PPP3CA: variants seen among roughly 807,000 people sequenced by gnomAD.
PPP3CA encodes CAM-PRP catalytic subunit.
Under a neutral mutation model 66.5 loss-of-function variants are expected in PPP3CA, and 14 were observed. The ratio of observed to expected loss-of-function variants is 0.21; its 90% CI spans 0.14 to 0.33. The LOEUF is 0.33. PPP3CA is among the 10% of genes least tolerant of loss of function. The pLI is 1.00. For synonymous variants in PPP3CA, 232 were observed against 226.2 expected, an observed-to-expected ratio of 1.03 and a Z score of -0.23; for missense variants, 317 against 639.5, an observed-to-expected ratio of 0.50 and a Z score of 5.44.
intron 2 of PPP3CA, among the ~76,000 whole-genome samples, chr4:101,141,983 T>C (rs1010972860): frequency 6.7e-6 from 1 of 150,342 alleles, no homozygotes; most frequent in Admixed American, 6.7e-5. Flanking sequence ...AGCATGTCAA[T>C]GGAGGATGAT....
intron 1 of PPP3CA, among the ~76,000 whole-genome samples, chr4:101,218,595 T>C (rs768381159): frequency 1.6e-4 from 24 of 152,124 alleles, no homozygotes; most frequent in Admixed American, 3.3e-4. Context: ...TTACTCACAG[T>C]TTAAATTCCT....
At chr4:101,078,751 T>C (rs984649284) in intron 8 of PPP3CA, among the ~76,000 whole-genome samples, 2 of 152,186 alleles carry the variant, frequency 1.3e-5, no homozygotes, top group Non-Finnish European at 2.9e-5. Flanking sequence ...TGTGACCCAA[T>C]TTTATTGCAG....
At chr4:101,073,068 C>T (rs1254069401) in intron 8 of PPP3CA, among the ~76,000 whole-genome samples, 1 of 151,446 alleles carries the variant, frequency 6.6e-6, no homozygotes, top group Non-Finnish European at 1.5e-5. Context: ...ATATAAAATG[C>T]AATGAGAGGA....
chr4:101,305,177 T>C (rs1348786422), intron 1 of PPP3CA, among the ~76,000 whole-genome samples: 1 of 152,188 alleles, frequency 6.6e-6, no homozygotes, highest in East Asian at 1.9e-4. Flanking sequence ...ATGATCCCAG[T>C]GGTTTGGAAT....
At chr4:101,292,380 T>C (rs1037794878) in intron 1 of PPP3CA, among the ~76,000 whole-genome samples, 2 of 152,184 alleles carry the variant, frequency 1.3e-5, no homozygotes, top group African/African-American at 4.8e-5. Flanking sequence ...TTTTCTCTTA[T>C]CTGTTGTAAC....
At chr4:101,257,722 A>C (rs766543844) in intron 1 of PPP3CA, among the ~76,000 whole-genome samples, 22 of 152,110 alleles carry the variant, frequency 1.4e-4, no homozygotes, top group African/African-American at 2.2e-4. Flanking sequence ...AAAGGTGTCA[A>C]GCTTACCATA....
intron 1 of PPP3CA, among the ~76,000 whole-genome samples, chr4:101,253,525 G>A (rs1458470481): frequency 1.3e-5 from 2 of 151,886 alleles, no homozygotes; most frequent in African/African-American, 4.8e-5. Context: ...TAATTTCATC[G>A]TATTAAATAA....
chr4:101,101,957 C>G (rs943882094), intron 3 of PPP3CA, among the ~76,000 whole-genome samples: 2 of 152,092 alleles, frequency 1.3e-5, no homozygotes, highest in Admixed American at 1.3e-4. Flanking sequence ...CCCACATTTT[C>G]TTTTTTTGCT....
At chr4:101,319,755 T>C (rs1048881163) in intron 1 of PPP3CA, among the ~76,000 whole-genome samples, 1 of 152,140 alleles carries the variant, frequency 6.6e-6, no homozygotes, top group East Asian at 1.9e-4. Flanking sequence ...GAAAACTGTT[T>C]AAATATCCAA....
rs185138090 is a variant in PPP3CA, at chr4:101,062,529, G to A, written c.1081+703C>T. On this transcript the variant is annotated intron_variant, in intron 9 of 13. Transcript: ENST00000394854. ...TGAGAAGATACATGAGAATCAATCC[G>A]TGTATCACTGTTAGGCCTCCTGAAT... 1.7e-4 allele frequency among the ~76,000 whole-genome samples: 26 copies of A among 152,044 alleles called. 1 individual carries two copies. The highest frequency in any genetic ancestry group is 6.8e-3 in the Middle Eastern group (2 of 294).
At chr4:101,213,816 A>G (rs1725378584) in intron 1 of PPP3CA, among the ~76,000 whole-genome samples, 1 of 152,088 alleles carries the variant, frequency 6.6e-6, no homozygotes, top group African/African-American at 2.4e-5. Flanking sequence ...CTCTCCACTA[A>G]AGCTCGCTAT....
chr4:101,180,181 G>A (rs1395400935), intron 2 of PPP3CA, among the ~76,000 whole-genome samples: 1 of 152,108 alleles, frequency 6.6e-6, no homozygotes, highest in Non-Finnish European at 1.5e-5. Flanking sequence ...CTGTTTATCT[G>A]GAACAGTCCT....
intron 3 of PPP3CA, among the ~76,000 whole-genome samples, chr4:101,106,532 T>C (rs1242090812): frequency 6.6e-6 from 1 of 150,926 alleles, no homozygotes; most frequent in Non-Finnish European, 1.5e-5. Flanking sequence ...GAAAACATTC[T>C]ATATAACCCT....
intron 8 of PPP3CA, among the ~76,000 whole-genome samples, chr4:101,076,539 T>C (rs1042135606): frequency 1.3e-5 from 2 of 151,944 alleles, no homozygotes; most frequent in South Asian, 4.1e-4. Flanking sequence ...CCAACAGAAG[T>C]CTTTATGGAA....
chr4:101,282,352 T>G (rs1200021008), intron 1 of PPP3CA, among the ~76,000 whole-genome samples: 3 of 152,236 alleles, frequency 2.0e-5, no homozygotes, highest in African/African-American at 7.2e-5. Context: ...TGAAATGTGA[T>G]GGACAGACCT....
chr4:101,236,988 T>C (rs1167398321), intron 1 of PPP3CA, among the ~76,000 whole-genome samples: 1 of 150,888 alleles, frequency 6.6e-6, no homozygotes, highest in Non-Finnish European at 1.5e-5. Flanking sequence ...TTAAATTACA[T>C]AATCTGTGTA....
In PPP3CA at chr4:101,347,492, G is replaced by A. The variant is rs1730059227; in HGVS notation, c.-696C>T. ...CTCCTCCACTCACCAAGGCACAGCC[G>A]CCGAGCTCGGCAGACACAGTCCCGG... is the stretch of plus-strand genomic sequence containing the variant. On this transcript the variant is annotated 5_prime_UTR_variant, in exon 1 of 14. Transcript: ENST00000394854. 1 of 159,834 alleles carries A rather than the reference G, an allele frequency of 6.3e-6. No homozygotes were observed. Among genetic ancestry groups the A allele is most frequent in the Non-Finnish European group, 1.4e-5 (1 of 73,776 alleles). The allele number at this position is 159,834 out of a possible 1,614,324, so 9.9% of individuals were successfully genotyped here.
chr4:101,293,296 C>T (rs1314604594), intron 1 of PPP3CA, among the ~76,000 whole-genome samples: 4 of 152,152 alleles, frequency 2.6e-5, no homozygotes, highest in Non-Finnish European at 5.9e-5. Flanking sequence ...TTCTGTCTTC[C>T]CATGCTTCAC....
intron 2 of PPP3CA, among the ~76,000 whole-genome samples, chr4:101,126,486 A>G (rs1305621457): frequency 6.6e-6 from 1 of 152,170 alleles, no homozygotes; most frequent in African/African-American, 2.4e-5. Context: ...CAAAAGATGA[A>G]TTTCCTTAAT....
Sources: allele counts gnomAD v4.1 joint callset (sites outside exome capture counted in the v4.1 genomes callset), GRCh38; gene constraint gnomAD v4.1.1; transcripts MANE v1.5; gene names NCBI Gene and HGNC (gene_info 2026-07-23, HGNC 2026-07-21).